EBF2: variants seen among roughly 807,000 people sequenced by gnomAD.
EBF2 encodes the protein EBF transcription factor 2.
EBF2 carries 21 observed loss-of-function variants against 72.8 expected under a neutral mutation model. The observed-to-expected ratio is 0.29, with a 90% confidence interval of 0.20 to 0.42. EBF2 has a LOEUF of 0.42. Among genes scored for constraint, EBF2 ranks in the 10% least tolerant of loss-of-function variants. The pLI is 1.00. For synonymous variants in EBF2, 299 were observed against 274.2 expected, an observed-to-expected ratio of 1.09 and a Z score of -0.89; for missense variants, 637 against 731.2, an observed-to-expected ratio of 0.87 and a Z score of 1.49.
At chr8:25,861,982 T>C (rs961707091) in intron 11 of EBF2, among the ~76,000 whole-genome samples, 8 of 152,188 alleles carry the variant, frequency 5.3e-5, no homozygotes, top group South Asian at 2.1e-4. Context: ...ACTTTCCAGA[T>C]ATCATCTAAT....
intron 6 of EBF2, among the ~76,000 whole-genome samples, chr8:26,010,538 G>T (rs760431629): frequency 2.6e-5 from 4 of 152,126 alleles, no homozygotes; most frequent in Non-Finnish European, 4.4e-5. Context: ...GCGGTCACCC[G>T]TTCCCGGCAG....
Position 25,987,751 on chromosome 8 carries a change from C to T in EBF2, c.551+45334G>A, listed in dbSNP as rs146362510. Among the ~76,000 whole-genome samples the T allele has an allele frequency of 2.9e-3, 446 of 152,252 alleles. 3 individuals are homozygous for T. The highest frequency in any genetic ancestry group is 1.0e-2 in the African/African-American group (414 of 41,560). ...CACAAACTGCATAAGAACCCACCCC[C>T]ATTCCAATGCCCTCCAAAAGGTGTT... On this transcript the variant is annotated intron_variant, in intron 6 of 15. Coordinates refer to ENST00000520164, the MANE Select transcript of EBF2 (RefSeq NM_022659.4).
chr8:25,939,494 T>G (rs1296348834), intron 6 of EBF2, among the ~76,000 whole-genome samples: 2 of 152,180 alleles, frequency 1.3e-5, no homozygotes, highest in East Asian at 1.9e-4. Flanking sequence ...CAAAAAACCT[T>G]TTACAATTAA....
rs575974474 is a variant in EBF2, at chr8:25,975,190, A to G, written c.551+57895T>C. Among the ~76,000 whole-genome samples, 39 of 152,300 alleles carry G rather than the reference A, an allele frequency of 2.6e-4. 1 individual carries two copies. The highest frequency in any genetic ancestry group is 9.1e-4 in the African/African-American group (38 of 41,570). The stretch of plus-strand genomic sequence containing the variant: ...CAGGAACTACTGCGCTGAAAATCAC[A>G]TCCTCTGCTCAGCCCGGGTGAGCAG... On this transcript the variant is annotated intron_variant, in intron 6 of 15. Transcript: ENST00000520164.
intron 6 of EBF2, among the ~76,000 whole-genome samples, chr8:26,018,437 G>A (rs1485769483): frequency 6.8e-6 from 1 of 146,694 alleles, no homozygotes; most frequent in East Asian, 2.0e-4. Flanking sequence ...TGGATCACGA[G>A]GTCAGGAGAT....
At chr8:25,952,173 G>T (rs1192356382) in intron 6 of EBF2, among the ~76,000 whole-genome samples, 1 of 152,082 alleles carries the variant, frequency 6.6e-6, no homozygotes, top group Non-Finnish European at 1.5e-5. Context: ...GCTTGTGACT[G>T]CAGTCCCAAC....
rs534782872 is a variant in EBF2 at position 25,861,292 on chromosome 8, G to C, written c.1164+17C>G. 2 of 1,614,202 alleles carry C rather than the reference G, an allele frequency of 1.2e-6. No individual in the cohort carries two copies. Among genetic ancestry groups the C allele is most frequent in the East Asian group, 2.2e-5 (1 of 44,888 alleles). ...AAAGTGCAAAACTCAATAAAGGATA[G>C]GATGTCAGTATCTCACCTGGTTATT... is the stretch of plus-strand genomic sequence containing the variant. On this transcript the variant is annotated intron_variant, in intron 12 of 15. Coordinates refer to ENST00000520164, the MANE Select transcript of EBF2 (RefSeq NM_022659.4).
At chr8:25,995,867 A>G (rs1184894191) in intron 6 of EBF2, among the ~76,000 whole-genome samples, 2 of 152,036 alleles carry the variant, frequency 1.3e-5, no homozygotes, top group Admixed American at 6.5e-5. Context: ...AATCATAAAT[A>G]TAAATAAATT....
chr8:25,999,004 A>T (rs1804679543), intron 6 of EBF2, among the ~76,000 whole-genome samples: 1 of 152,208 alleles, frequency 6.6e-6, no homozygotes, highest in South Asian at 2.1e-4. Context: ...AAAGATTGAC[A>T]TGTGGCCAAT....
At chr8:25,909,463 T>G (rs1235226572) in intron 6 of EBF2, among the ~76,000 whole-genome samples, 6 of 151,794 alleles carry the variant, frequency 4.0e-5, no homozygotes, top group Non-Finnish European at 8.8e-5. Context: ...GCTAGGCCTA[T>G]TTCCCTTTCT....
Position 25,889,814 on chromosome 8 carries a change from T to C in EBF2, c.689A>G (p.Asn230Ser), listed in dbSNP as rs745588942. The C allele has an allele frequency of 1.2e-6, 2 of 1,614,074 alleles. No homozygotes were observed. Among genetic ancestry groups the C allele is most frequent in the Non-Finnish European group, 1.7e-6 (2 of 1,179,976 alleles). Reference sequence around the variant, plus strand: ...CTTGGAGTTGTTATGAACAAACATGTTGTCAGAAACAGCCAGGACGTGTCC... The same window carrying C: ...CTTGGAGTTGTTATGAACAAACATGCTGTCAGAAACAGCCAGGACGTGTCC... ...VDGHVLAVSD[N>S]MFVHNNSKHG... Residue 230 changes from asparagine (N) to serine (S), a missense_variant, in exon 8 of 16, where the codon AAC (asparagine) becomes AGC (serine). Around this residue, in one of 3 missense-constraint regions of EBF2, gnomAD observed 204 missense variants for 301.2 expected, o/e 0.68. Coordinates refer to ENST00000520164, the MANE Select transcript of EBF2 (RefSeq NM_022659.4).
chr8:26,018,262 G>T (rs1288759650), intron 6 of EBF2, among the ~76,000 whole-genome samples: 1 of 151,370 alleles, frequency 6.6e-6, no homozygotes, highest in Non-Finnish European at 1.5e-5. Flanking sequence ...GGGAGCCAGA[G>T]GGAGGAGAGA....
intron 1 of EBF2, 95 bp from the exon 2 acceptor site, chr8:26,042,346 T>C (rs1308008450): frequency 2.8e-6 from 4 of 1,432,146 alleles, no homozygotes; most frequent in Non-Finnish European, 3.8e-6. Flanking sequence ...GGGTAAGGGG[T>C]CCACTTCCCA....
rs1336143958 is a variant in EBF2 at position 25,844,601 on chromosome 8, GTTC to G, written c.*5_*7del. The stretch of plus-strand genomic sequence containing the variant: ...AGTAGTTTTGTGCTATAAGAAAGCA[GTTC>G]TTCTTTACATCGGGGGTACAACAAG... On this transcript the variant is annotated 3_prime_UTR_variant, in exon 16 of 16. Coordinates refer to ENST00000520164, the MANE Select transcript of EBF2 (RefSeq NM_022659.4). 8 of 1,613,844 alleles carry G rather than the reference GTTC, an allele frequency of 5.0e-6. No homozygotes were observed. The African/African-American group carries it at 5.3e-5, about 11-fold the overall frequency.
In EBF2 at chr8:25,977,308, G is replaced by A. The variant is rs547308242; in HGVS notation, c.551+55777C>T. 2.6e-5 allele frequency among the ~76,000 whole-genome samples: 4 copies of A among 152,198 alleles called. No individual in the cohort carries two copies. In the East Asian group the frequency reaches 7.7e-4, roughly 29 times the overall value. ...CCCACAGTTTATCTCATTTAATCCTGGACAGAGCAGTAGACACTTGAGCCC... is the reference window on the plus strand; with the variant it reads ...CCCACAGTTTATCTCATTTAATCCTAGACAGAGCAGTAGACACTTGAGCCC... On this transcript the variant is annotated intron_variant, in intron 6 of 15. Coordinates refer to ENST00000520164, the MANE Select transcript of EBF2 (RefSeq NM_022659.4).
intron 6 of EBF2, among the ~76,000 whole-genome samples, chr8:25,910,130 G>A (rs1310258958): frequency 1.3e-5 from 2 of 152,192 alleles, no homozygotes; most frequent in Non-Finnish European, 2.9e-5. Context: ...AACGGCAGTA[G>A]CATCTCTGCC....
intron 6 of EBF2, among the ~76,000 whole-genome samples, chr8:25,912,197 G>A (rs186632647): frequency 5.1e-4 from 77 of 152,170 alleles, no homozygotes; most frequent in African/African-American, 1.8e-3. Context: ...TGGGAAAAAC[G>A]AAGGCCTCAA....
intron 15 of EBF2, among the ~76,000 whole-genome samples, chr8:25,847,755 G>A (rs1801867853): frequency 6.6e-6 from 1 of 152,100 alleles, no homozygotes; most frequent in Non-Finnish European, 1.5e-5. Flanking sequence ...CTCTTCCAGT[G>A]GCTAATACTC....
chr8:26,031,386 G>A (rs1377839693), intron 6 of EBF2: 1 of 151,832 alleles, frequency 6.6e-6, no homozygotes, highest in African/African-American at 2.4e-5. Context: ...GCACAGTCTG[G>A]AAGTAAGGAC....
Sources: gnomAD v4.1 joint callset for allele counts (sites outside exome capture counted in the v4.1 genomes callset) on GRCh38, gnomAD v4.1.1 for gene constraint, gnomAD v4.1.1 regional missense constraint, MANE v1.5 for transcripts, NCBI Gene and HGNC (gene_info 2026-07-23, HGNC 2026-07-21) for gene names.